Variants in EXOC6 observed in about 807,000 individuals in gnomAD.
EXOC6 encodes SEC15-like 1.
EXOC6 carries 60 observed loss-of-function variants against 112.5 expected under a neutral mutation model. That is an observed-to-expected ratio of 0.53 (90% confidence interval 0.43 to 0.66). The LOEUF is 0.66. Among genes scored for constraint, EXOC6 ranks in the 30% least tolerant of loss-of-function variants. The pLI, the probability that EXOC6 is intolerant of heterozygous loss-of-function variation, is 0.00. For synonymous variants in EXOC6, 295 were observed against 308.0 expected (o/e 0.96, Z 0.44); for missense variants, 855 against 957.1 (o/e 0.89, Z 1.41).
At chr10:93,006,870 G>A (rs1029635136) in intron 19 of EXOC6, among the ~76,000 whole-genome samples, 1 of 152,148 alleles carries the variant, frequency 6.6e-6, no homozygotes, top group African/African-American at 2.4e-5. Flanking sequence ...ATATGCACCT[G>A]TGTGGTCATT....
At chr10:92,961,132 A>G (rs1474919520) in intron 17 of EXOC6, among the ~76,000 whole-genome samples, 1 of 152,152 alleles carries the variant, frequency 6.6e-6, no homozygotes, top group African/African-American at 2.4e-5. Context: ...CATTTTAATT[A>G]TAATGTTTTG....
At chr10:92,879,089 T>C (rs539342951) in intron 1 of EXOC6, among the ~76,000 whole-genome samples, 12 of 152,232 alleles carry the variant, frequency 7.9e-5, no homozygotes, top group Non-Finnish European at 1.3e-4. Context: ...TGTTGTCTTT[T>C]CCAGGACTGC....
chr10:92,921,650 CTT>C (rs555576702), intron 8 of EXOC6, among the ~76,000 whole-genome samples: 45 of 138,722 alleles, frequency 3.2e-4, no homozygotes, highest in Non-Finnish European at 4.4e-4. Context: ...TTCTTTCTTT[CTT>C]TTTTTTTTTT....
At chr10:92,972,332 G>T (rs940411233) in intron 17 of EXOC6, among the ~76,000 whole-genome samples, 1 of 152,186 alleles carries the variant, frequency 6.6e-6, no homozygotes, top group Non-Finnish European at 1.5e-5. Flanking sequence ...TGAAAGTATG[G>T]AGACTTAATT....
At chr10:93,046,821 C>T (rs1230145074) in intron 20 of EXOC6, among the ~76,000 whole-genome samples, 6 of 152,094 alleles carry the variant, frequency 3.9e-5, no homozygotes, top group Admixed American at 3.9e-4. Context: ...TGGTCTTGAA[C>T]TCCTGACCTC....
intron 5 of EXOC6, among the ~76,000 whole-genome samples, chr10:92,906,530 G>C (rs987481662): frequency 6.6e-6 from 1 of 152,132 alleles, no homozygotes; most frequent in African/African-American, 2.4e-5. Flanking sequence ...TACATTTTTA[G>C]AAGTATCTTG....
Position 93,040,502 on chromosome 10 carries a change from C to T in EXOC6, c.2170-16422C>T, listed in dbSNP as rs1845710892. Among the ~76,000 whole-genome samples, 3 of 152,362 alleles carry T rather than the reference C, an allele frequency of 2.0e-5. No homozygotes were observed. The South Asian group carries it at 6.2e-4, about 32-fold the overall frequency. On this transcript the variant is annotated intron_variant, in intron 20 of 21. Transcript: ENST00000260762. ...GACCTCGTGATCCACCTGCCTTGGC[C>T]TCCCAAAGTGCTGGGATTACAGGCG...
chr10:92,940,430 A>AT (rs1009130900), intron 12 of EXOC6, among the ~76,000 whole-genome samples: 9 of 152,028 alleles, frequency 5.9e-5, no homozygotes, highest in Non-Finnish European at 1.3e-4. Flanking sequence ...CTTATCTTGA[A>AT]TTTTTTCCTC....
intron 17 of EXOC6, 78 bp from the exon 18 acceptor site, chr10:92,973,975 A>G: frequency 2.5e-6 from 3 of 1,196,664 alleles, no homozygotes; most frequent in Non-Finnish European, 3.4e-6. Context: ...AGGTAAATGT[A>G]AAATAATATC....
intron 20 of EXOC6, among the ~76,000 whole-genome samples, chr10:93,044,187 T>A (rs1219428326): frequency 6.6e-6 from 1 of 152,236 alleles, no homozygotes; most frequent in Non-Finnish European, 1.5e-5. Flanking sequence ...TGAAACAGAC[T>A]AAGCAGCAAG....
intron 1 of EXOC6, among the ~76,000 whole-genome samples, chr10:92,890,158 A>G (rs1849425722): frequency 1.3e-5 from 2 of 152,058 alleles, no homozygotes; most frequent in South Asian, 4.2e-4. Flanking sequence ...AGAGTTTTGT[A>G]GTTTTCCTCC....
intron 20 of EXOC6, among the ~76,000 whole-genome samples, chr10:93,023,925 C>T (rs1353712491): frequency 6.6e-6 from 1 of 151,962 alleles, no homozygotes; most frequent in Non-Finnish European, 1.5e-5. Context: ...TCACATATAA[C>T]TGAATTTTCC....
rs1432410468 is a variant in EXOC6 at position 92,896,147 on chromosome 10, G to GTGTA, written c.412+1128_412+1129insGTAT. ...TGTGTGTGTGTGTGTGTATGTATGT[G>GTGTA]TATATATATATATATATATATATAT... On this transcript the variant is annotated intron_variant, in intron 4 of 21. Coordinates refer to ENST00000260762, the MANE Select transcript of EXOC6 (RefSeq NM_019053.6). Among the ~76,000 whole-genome samples the GTGTA allele has an allele frequency of 1.0e-3, 25 of 24,484 alleles. 1 individual carries two copies. The highest frequency in any genetic ancestry group is 6.9e-3 in the South Asian group (3 of 434). The allele number at this position is 24,484 out of a possible 152,430, so 16.1% of individuals were successfully genotyped here.
At chr10:92,850,473 CTT>C (rs1331033940) in intron 1 of EXOC6, among the ~76,000 whole-genome samples, 1 of 152,156 alleles carries the variant, frequency 6.6e-6, no homozygotes, top group African/African-American at 2.4e-5. Context: ...TGCTAGCAGT[CTT>C]TTCTCTTGAA....
chr10:92,883,056 A>G (rs887429713), intron 1 of EXOC6, among the ~76,000 whole-genome samples: 5 of 152,242 alleles, frequency 3.3e-5, no homozygotes, highest in South Asian at 4.1e-4. Context: ...TATTTGCTAT[A>G]TAACTGCCCT....
intron 17 of EXOC6, among the ~76,000 whole-genome samples, chr10:92,960,481 G>A (rs1163088665): frequency 3.3e-5 from 5 of 151,802 alleles, no homozygotes; most frequent in Non-Finnish European, 5.9e-5. Flanking sequence ...GAGTGAATCT[G>A]GTGTACACTG....
At chr10:93,031,400 A>G (rs1379384650) in intron 20 of EXOC6, among the ~76,000 whole-genome samples, 2 of 152,080 alleles carry the variant, frequency 1.3e-5, no homozygotes, top group East Asian at 1.9e-4. Flanking sequence ...TTAACTTATC[A>G]ACTCTTACAG....
At chr10:92,848,793 C>A (rs1040015817) in intron 1 of EXOC6, among the ~76,000 whole-genome samples, 159 bp downstream of exon 1, 1 of 151,646 alleles carries the variant, frequency 6.6e-6, no homozygotes, top group East Asian at 2.0e-4. Context: ...GAACTCTAGC[C>A]GGTACCCGGG....
intron 19 of EXOC6, among the ~76,000 whole-genome samples, chr10:93,004,302 T>C (rs1843883374): frequency 1.3e-5 from 2 of 152,054 alleles, no homozygotes; most frequent in Admixed American, 6.6e-5. Context: ...AGTGCTATGC[T>C]CATAATAAAA....
Sources: allele counts gnomAD v4.1 joint callset (sites outside exome capture counted in the v4.1 genomes callset), GRCh38; gene constraint gnomAD v4.1.1; transcripts MANE v1.5; gene names NCBI Gene and HGNC (gene_info 2026-07-23, HGNC 2026-07-21).